PLPPR1: variants seen among roughly 807,000 people sequenced by gnomAD.
PLPPR1 encodes phospholipid phosphatase-related protein type 1.
A neutral mutation model predicts 33.1 loss-of-function variants in PLPPR1; 10 were observed. The ratio of observed to expected loss-of-function variants is 0.30; its 90% confidence interval spans 0.19 to 0.51. PLPPR1 has a LOEUF of 0.51. PLPPR1 is among the 20% of genes least tolerant of loss of function. The pLI, the probability that PLPPR1 is intolerant of heterozygous loss-of-function variation, is 0.97. For missense variants in PLPPR1, 304 were observed against 408.1 expected (o/e 0.74, Z 2.20); for synonymous variants, 151 against 151.0 (o/e 1.00, Z 0.00).
At chr9:101,196,123 T>C (rs1402923500) in intron 2 of PLPPR1, among the ~76,000 whole-genome samples, 1 of 152,116 alleles carries the variant, frequency 6.6e-6, no homozygotes, top group African/African-American at 2.4e-5. Context: ...TAGACCATCA[T>C]TGATATGTGT....
At chr9:101,053,885 T>C (rs1359196896) in intron 1 of PLPPR1, among the ~76,000 whole-genome samples, 1 of 152,078 alleles carries the variant, frequency 6.6e-6, no homozygotes, top group Non-Finnish European at 1.5e-5. Context: ...AAAAGGTATA[T>C]AAAACCCCAT....
chr9:101,286,021 A>AGTTTT, intron 3 of PLPPR1, 83 bp from the exon 4 acceptor site: 1 of 1,088,234 alleles, frequency 9.2e-7, no homozygotes, highest in Non-Finnish European at 1.3e-6. Context: ...GGTCCTCAAC[A>AGTTTT]GTTTTGTTTT....
At chr9:101,273,802 C>A (rs1479006345) in intron 3 of PLPPR1, among the ~76,000 whole-genome samples, 2 of 152,140 alleles carry the variant, frequency 1.3e-5, no homozygotes, top group African/African-American at 4.8e-5. Context: ...CAAAGACATA[C>A]CTCTAAAACA....
chr9:101,111,256 G>A (rs1329084), intron 1 of PLPPR1, among the ~76,000 whole-genome samples: 32,503 of 151,936 alleles, frequency 0.21, 3,578 homozygotes, highest in Admixed American at 0.3. Flanking sequence ...AATTCAAGTC[G>A]TTTTCAGAAA....
chr9:101,082,222 G>A (rs1444498250), intron 1 of PLPPR1, among the ~76,000 whole-genome samples: 3 of 152,062 alleles, frequency 2.0e-5, no homozygotes, highest in Non-Finnish European at 1.5e-5. Flanking sequence ...TTGAAAAAGT[G>A]GTGTCTGATT....
In PLPPR1 at chr9:101,317,510, G is replaced by A. The variant is rs753552859; in HGVS notation, c.945+14G>A. The A allele has an allele frequency of 1.1e-5, 17 of 1,609,456 alleles. No homozygotes were observed. The highest frequency in any genetic ancestry group is 8.5e-7 in the Non-Finnish European group (1 of 1,178,564). ...TTAAGTGCACAGGTATGGTAAAGCA[G>A]TTTTAGCAAACCAAACCCACAGGCT... is the stretch of plus-strand genomic sequence containing the variant. On this transcript the variant is annotated intron_variant, in intron 7 of 7. Coordinates refer to ENST00000374874, the MANE Select transcript of PLPPR1 (RefSeq NM_207299.2).
intron 1 of PLPPR1, among the ~76,000 whole-genome samples, chr9:101,047,975 T>C (rs910767852): frequency 1.3e-5 from 2 of 152,206 alleles, no homozygotes; most frequent in Admixed American, 1.3e-4. Flanking sequence ...CTTAGGTGTA[T>C]CTTGCGGTTT....
chr9:101,157,785 T>C (rs888773468), intron 1 of PLPPR1, among the ~76,000 whole-genome samples: 2 of 152,032 alleles, frequency 1.3e-5, no homozygotes, highest in African/African-American at 4.8e-5. Flanking sequence ...GTGGATCACT[T>C]GAGGCTGGGA....
intron 1 of PLPPR1, among the ~76,000 whole-genome samples, chr9:101,041,595 T>G (rs1041934025): frequency 6.6e-6 from 1 of 152,190 alleles, no homozygotes; most frequent in Non-Finnish European, 1.5e-5. Flanking sequence ...GGTGAAATGC[T>G]GACAGATGTT....
chr9:101,231,290 C>CA (rs1043247136), intron 2 of PLPPR1, among the ~76,000 whole-genome samples: 3 of 145,720 alleles, frequency 2.1e-5, no homozygotes, highest in South Asian at 2.2e-4. Flanking sequence ...AAAAAAAAAA[C>CA]AAAAAAACTT....
chr9:101,050,976 C>T (rs1830215097), intron 1 of PLPPR1, among the ~76,000 whole-genome samples: 1 of 152,176 alleles, frequency 6.6e-6, no homozygotes, highest in Admixed American at 6.5e-5. Flanking sequence ...TACTGTCACT[C>T]TAGGTTCACT....
chr9:101,277,803 C>T (rs898749765), intron 3 of PLPPR1, among the ~76,000 whole-genome samples: 1 of 152,200 alleles, frequency 6.6e-6, no homozygotes, highest in East Asian at 1.9e-4. Flanking sequence ...TGTTTCAACA[C>T]ACATTCTTGC....
chr9:101,098,164 C>G (rs1263286747), intron 1 of PLPPR1, among the ~76,000 whole-genome samples: 6 of 152,128 alleles, frequency 3.9e-5, no homozygotes, highest in Non-Finnish European at 7.4e-5. Flanking sequence ...AGCAGGAAAT[C>G]TACTGCCAAC....
chr9:101,225,975 C>G (rs149145547), intron 2 of PLPPR1, among the ~76,000 whole-genome samples: 1 of 151,916 alleles, frequency 6.6e-6, no homozygotes, highest in East Asian at 1.9e-4. Flanking sequence ...TTTCGTAGAT[C>G]GTACAGTAAG....
chr9:101,088,899 A>G (rs189544963), intron 1 of PLPPR1, among the ~76,000 whole-genome samples: 1 of 152,288 alleles, frequency 6.6e-6, no homozygotes, highest in Non-Finnish European at 1.5e-5. Context: ...CACAAACACA[A>G]AAGAGCTACT....
rs573316984 is a variant in PLPPR1 at position 101,204,232 on chromosome 9, C to T, written c.63+18675C>T. 1.1e-4 allele frequency among the ~76,000 whole-genome samples: 16 copies of T among 152,190 alleles called. 1 individual carries two copies. Among genetic ancestry groups the T allele is most frequent in the Admixed American group, 9.2e-4 (14 of 15,290 alleles). On this transcript the variant is annotated intron_variant, in intron 2 of 7. Coordinates refer to ENST00000374874, the MANE Select transcript of PLPPR1 (RefSeq NM_207299.2). ...AGGGGTAGTAGCAACCAGCTCAAGC[C>T]CATTGGAGATTTGTAGGGCTCACCT...
chr9:101,314,649 T>C (rs1181514098), intron 6 of PLPPR1, among the ~76,000 whole-genome samples: 1 of 151,812 alleles, frequency 6.6e-6, no homozygotes, highest in Non-Finnish European at 1.5e-5. Flanking sequence ...AAGCACTTTA[T>C]GGCTTTAAAA....
At chr9:101,170,137 G>A (rs1053383050) in intron 1 of PLPPR1, among the ~76,000 whole-genome samples, 5 of 152,038 alleles carry the variant, frequency 3.3e-5, no homozygotes, top group African/African-American at 9.7e-5. Context: ...GAAGTGCTAA[G>A]GTTACTGTGC....
intron 1 of PLPPR1, among the ~76,000 whole-genome samples, chr9:101,119,461 A>T (rs1831152584): frequency 6.6e-6 from 1 of 152,216 alleles, no homozygotes; most frequent in South Asian, 2.1e-4. Flanking sequence ...TCTGGAGGTG[A>T]TGGAACTATC....
Sources: allele counts gnomAD v4.1 joint callset (sites outside exome capture counted in the v4.1 genomes callset), GRCh38; gene constraint gnomAD v4.1.1; transcripts MANE v1.5; gene names NCBI Gene and HGNC (gene_info 2026-07-23, HGNC 2026-07-21).